Variants in FER1L6 observed in about 807,000 individuals in gnomAD.
The protein encoded by FER1L6 is fer-1 like family member 6.
In FER1L6, 177 loss-of-function variants were observed where a neutral mutation model predicts 219.2. That is an observed-to-expected ratio of 0.81 (90% CI 0.71 to 0.91). The LOEUF (loss-of-function observed/expected upper bound fraction) is 0.91, where lower values mean the gene tolerates loss of function less well. FER1L6 is among the 40% of genes least tolerant of loss of function. The pLI, the probability that FER1L6 is intolerant of heterozygous loss-of-function variation, is 0.00. For missense variants in FER1L6, 2,153 were observed against 2,259.9 expected, an observed-to-expected ratio of 0.95 and a Z score of 0.96; for synonymous variants, 768 against 824.3, an observed-to-expected ratio of 0.93 and a Z score of 1.17.
chr8:123,925,111 A>G (rs915736261), intron 1 of FER1L6, among the ~76,000 whole-genome samples: 1 of 152,210 alleles, frequency 6.6e-6, no homozygotes, highest in Non-Finnish European at 1.5e-5. Context: ...TACTGACAGA[A>G]TGTTGATTTA....
At chr8:124,009,267 AAATT>A (rs1218014996) in intron 13 of FER1L6, among the ~76,000 whole-genome samples, 2 of 152,204 alleles carry the variant, frequency 1.3e-5, no homozygotes, top group African/African-American at 4.8e-5. Flanking sequence ...TTTTAAAAAC[AAATT>A]AAGTACTTTT....
At chr8:123,884,601 T>A (rs1817166578) in intron 1 of FER1L6, among the ~76,000 whole-genome samples, 1 of 152,202 alleles carries the variant, frequency 6.6e-6, no homozygotes, top group South Asian at 2.1e-4. Flanking sequence ...TATAATGATG[T>A]GTGCATTAGC....
intron 1 of FER1L6, among the ~76,000 whole-genome samples, chr8:123,905,035 T>C (rs1441227031): frequency 6.6e-6 from 1 of 152,332 alleles, no homozygotes. Context: ...GGTCCAGCCA[T>C]TGAGTTTCAT....
In FER1L6 at chr8:123,975,131, T is replaced by C. The variant is rs778295506; in HGVS notation, c.527-19T>C. On this transcript the variant is annotated intron_variant, in intron 7 of 40. Transcript: ENST00000522917. ...GGGCCCATCTGTGAAGGATGTGAGC[T>C]GTCAGGGTGCTTTCACAGGTCATCA... 7.7e-6 allele frequency: 12 copies of C among 1,567,906 alleles called. No homozygotes were observed. Among genetic ancestry groups the C allele is most frequent in the African/African-American group, 1.4e-5 (1 of 73,654 alleles).
rs1161351314 is a variant in FER1L6 at position 124,091,466 on chromosome 8, ATCC to A, written c.4438_4440del (p.Leu1480del). 1.1e-5 allele frequency: 18 copies of A among 1,614,096 alleles called. 1 individual carries two copies. Among genetic ancestry groups the A allele is most frequent in the Non-Finnish European group, 1.5e-5 (18 of 1,179,930 alleles). The stretch of plus-strand genomic sequence containing the variant: ...GAGAGACACGTCCAAACCCACCGAA[ATCC>A]TCACTAAGCTCTGCAAAGACAACAA... On this transcript the variant is annotated inframe_deletion, in exon 34 of 41. Transcript: ENST00000522917.
intron 18 of FER1L6, among the ~76,000 whole-genome samples, chr8:124,031,883 T>A (rs750567230): frequency 6.6e-6 from 1 of 152,194 alleles, no homozygotes; most frequent in South Asian, 2.1e-4. Context: ...TGCTCGATAA[T>A]GTTGAATGAA....
rs1820732830 is a variant in FER1L6, at chr8:124,064,385, G to T, written c.3367G>T (p.Ala1123Ser). The T allele has an allele frequency of 6.2e-7, 1 of 1,612,726 alleles. No individual in the cohort carries two copies. Among genetic ancestry groups the T allele is most frequent in the Admixed American group, 1.7e-5 (1 of 59,652 alleles). The change falls in exon 26 of 41, where the codon GCC becomes TCC. Residue 1123 changes from alanine to serine, a missense_variant. Transcript: ENST00000522917. ...GCTAACAGCCACTGAGTCCTCTGGA[G>T]CCCACAGCTCCTCCCAGGATCCCCC... ...DSLTATESSG[A>S]HSSSQDPPAD...
intron 13 of FER1L6, among the ~76,000 whole-genome samples, chr8:124,008,221 A>C (rs961940755): frequency 1.3e-5 from 2 of 152,154 alleles, no homozygotes; most frequent in Non-Finnish European, 2.9e-5. Context: ...GAGTTGTGTC[A>C]CTTAGAATCA....
At chr8:123,925,399 A>G (rs1365661369) in intron 1 of FER1L6, among the ~76,000 whole-genome samples, 1 of 152,232 alleles carries the variant, frequency 6.6e-6, no homozygotes, top group Non-Finnish European at 1.5e-5. Flanking sequence ...GTCTTTCAGG[A>G]CAGAGCTGGA....
chr8:123,984,291 C>G (rs1172118498), intron 11 of FER1L6: 1 of 152,160 alleles, frequency 6.6e-6, no homozygotes, highest in Non-Finnish European at 1.5e-5. Flanking sequence ...AGTCAATCAG[C>G]CTCGGAATGG....
chr8:124,069,216 G>A (rs975337796), intron 28 of FER1L6, 144 bp from the exon 29 acceptor site: 85 of 603,558 alleles, frequency 1.4e-4, no homozygotes, highest in Non-Finnish European at 2.2e-4. Flanking sequence ...GATTACAGGC[G>A]TGAGCCACCG....
rs1249273019 is a variant in FER1L6, at chr8:123,856,240, CATGTGTATGAGATATATGTATAT to C, written c.-8+4064_-8+4086del. Among the ~76,000 whole-genome samples the C allele has an allele frequency of 3.9e-4, 21 of 53,852 alleles. No individual in the cohort carries two copies. In the East Asian group the frequency reaches 5.2e-3, roughly 13 times the overall value. The allele number at this position is 53,852 out of a possible 152,430, so 35.3% of individuals were successfully genotyped here. A position where few individuals can be genotyped will look rare whatever the true frequency, so the allele number is the denominator to read the frequency against. On this transcript the variant is annotated intron_variant, in intron 1 of 40. Transcript: ENST00000522917. ...TATGTGTATGAGATATATGTATATACATGTGTATGAGATATATGTATATATGTGTATATGTGTATATATGTGTG... is the reference window on the plus strand; with the variant it reads ...TATGTGTATGAGATATATGTATATACATGTGTATATGTGTATATATGTGTG...
intron 1 of FER1L6, among the ~76,000 whole-genome samples, chr8:123,945,002 C>T (rs1270212416): frequency 2.0e-5 from 3 of 152,168 alleles, no homozygotes; most frequent in African/African-American, 7.2e-5. Context: ...TGGATTTCTC[C>T]ACTTCTGACT....
intron 2 of FER1L6, among the ~76,000 whole-genome samples, chr8:123,961,624 C>A (rs1208330266): frequency 1.3e-5 from 2 of 151,998 alleles, no homozygotes; most frequent in African/African-American, 4.8e-5. Flanking sequence ...AAATGGTTAG[C>A]CAGATATATG....
Position 123,853,385 on chromosome 8 carries a change from C to G in FER1L6, c.-8+1200C>G, listed in dbSNP as rs751023932. Among the ~76,000 whole-genome samples, 1 of 151,778 alleles carries G rather than the reference C, an allele frequency of 6.6e-6. No homozygotes were observed. Among genetic ancestry groups the G allele is most frequent in the Admixed American group, 6.6e-5 (1 of 15,222 alleles). On this transcript the variant is annotated intron_variant, in intron 1 of 40. Coordinates refer to ENST00000522917, the MANE Select transcript of FER1L6 (RefSeq NM_001039112.2). The surrounding 1 kb of genome is among the most constrained non-coding windows in gnomAD (Gnocchi z 6.6). Reference sequence around the variant, plus strand: ...GGCCAGGATGGTCTCAAACTTCTGACCTCAAACGATCCACCCACCTCAGCC... The same window carrying G: ...GGCCAGGATGGTCTCAAACTTCTGAGCTCAAACGATCCACCCACCTCAGCC...
At chr8:124,009,651 G>A (rs1215919235) in intron 13 of FER1L6, among the ~76,000 whole-genome samples, 1 of 152,078 alleles carries the variant, frequency 6.6e-6, no homozygotes, top group African/African-American at 2.4e-5. Context: ...GCTGGAGCCT[G>A]GGGGTGGAAC....
chr8:123,935,990 G>A lies in FER1L6; in HGVS notation c.-7-20002G>A, dbSNP rs145526524. On this transcript the variant is annotated intron_variant, in intron 1 of 40. Transcript: ENST00000522917. Reference sequence around the variant, plus strand: ...AAATCTGAAAATGTTTTTCCAAAGCGTTTCCTAGGGTTGGGAACTTCTAGA... The same window carrying A: ...AAATCTGAAAATGTTTTTCCAAAGCATTTCCTAGGGTTGGGAACTTCTAGA... Among the ~76,000 whole-genome samples the A allele has an allele frequency of 1.5e-4, 23 of 151,808 alleles. No homozygotes were observed. In the East Asian group the frequency reaches 3.3e-3, roughly 22 times the overall value.
intron 20 of FER1L6, among the ~76,000 whole-genome samples, chr8:124,045,068 A>T (rs1425614085): frequency 6.6e-6 from 1 of 152,264 alleles, no homozygotes; most frequent in African/African-American, 2.4e-5. Flanking sequence ...TAATTCAGTC[A>T]ATAACCACAA....
At chr8:124,043,589 T>C (rs1819596846) in intron 20 of FER1L6, among the ~76,000 whole-genome samples, 1 of 152,170 alleles carries the variant, frequency 6.6e-6, no homozygotes, top group African/African-American at 2.4e-5. Context: ...GATAAAGAAA[T>C]TGAGGCACAA....
Sources: allele counts gnomAD v4.1 joint callset (sites outside exome capture counted in the v4.1 genomes callset), GRCh38; gene constraint gnomAD v4.1.1; non-coding constraint Gnocchi (gnomAD v3.1); transcripts MANE v1.5; gene names NCBI Gene and HGNC (gene_info 2026-07-23, HGNC 2026-07-21).